The following KIF26B variants were observed in gnomAD, a reference collection of about 807,000 sequenced individuals.
The protein encoded by KIF26B is kinesin-like protein KIF26B.
In KIF26B, 63 loss-of-function variants were observed where a neutral mutation model predicts 151.2. The observed-to-expected ratio is 0.42, with a 90% confidence interval of 0.34 to 0.51. The LOEUF is 0.51. Among genes scored for constraint, KIF26B ranks in the 20% least tolerant of loss-of-function variants. KIF26B has a pLI of 0.07. For synonymous variants in KIF26B, 1,357 were observed against 1,262.1 expected (o/e 1.08, Z -1.59); for missense variants, 2,813 against 2,913.6 (o/e 0.97, Z 0.79).
At chr1:245,191,354 A>G (rs1460098966) in intron 2 of KIF26B, among the ~76,000 whole-genome samples, 1 of 152,052 alleles carries the variant, frequency 6.6e-6, no homozygotes, top group Non-Finnish European at 1.5e-5. Flanking sequence ...AGACGCCTGT[A>G]ATCCCAGCTA....
rs1443468939 is a variant in KIF26B at position 245,564,107 on chromosome 1, C to G, written c.1350+23157C>G. Among the ~76,000 whole-genome samples the G allele has an allele frequency of 6.6e-6, 1 of 152,156 alleles. No individual in the cohort carries two copies. The highest frequency in any genetic ancestry group is 2.4e-5 in the African/African-American group (1 of 41,422). On this transcript the variant is annotated intron_variant, in intron 5 of 14. Transcript: ENST00000407071. The surrounding 1 kb of genome is among the most constrained non-coding windows in gnomAD (Gnocchi z 4.6). ...AAGTACCAGTCAGGCTCCCACCGTC[C>G]CTTCCTATCCCAAAATGTCACCTCC... is the stretch of plus-strand genomic sequence containing the variant.
chr1:245,183,532 A>G (rs1253426236), intron 2 of KIF26B, among the ~76,000 whole-genome samples: 1 of 152,176 alleles, frequency 6.6e-6, no homozygotes, highest in Non-Finnish European at 1.5e-5. Flanking sequence ...ACTTAGAATG[A>G]CCACTGTGGA....
At chr1:245,423,510 T>C (rs1658543359) in intron 4 of KIF26B, among the ~76,000 whole-genome samples, 1 of 151,686 alleles carries the variant, frequency 6.6e-6, no homozygotes. Context: ...CATGAACTGA[T>C]GATTGCTTAT....
At chr1:245,405,312 G>T (rs564466000) in intron 3 of KIF26B, among the ~76,000 whole-genome samples, 6 of 152,196 alleles carry the variant, frequency 3.9e-5, no homozygotes, top group African/African-American at 1.4e-4. Context: ...ATCTTCATAA[G>T]ATCAGCCCAC....
At position 245,707,707 on chromosome 1, in the gene KIF26B, C is replaced by T. The variant is rs558444128; in HGVS notation, c.*5101C>T. 2 of 152,270 alleles carry T rather than the reference C, an allele frequency of 1.3e-5. No homozygotes were observed. The highest frequency in any genetic ancestry group is 3.9e-4 in the East Asian group (2 of 5,172). The allele number at this position is 152,270 out of a possible 1,614,324, so 9.4% of individuals were successfully genotyped here. On this transcript the variant is annotated 3_prime_UTR_variant, in exon 15 of 15. Coordinates refer to ENST00000407071, the MANE Select transcript of KIF26B (RefSeq NM_018012.4). ...GGATTAGGGTCCAATCCTCAATGCA[C>T]AGGGCTTAGTTCAAAATCTAAGCTG...
intron 2 of KIF26B, among the ~76,000 whole-genome samples, chr1:245,242,306 C>G (rs917239530): frequency 1.3e-5 from 2 of 152,172 alleles, no homozygotes; most frequent in Non-Finnish European, 1.5e-5. Context: ...GCCGTATGTA[C>G]TTCAAATCTC....
chr1:245,266,500 T>C (rs925002126), intron 2 of KIF26B, among the ~76,000 whole-genome samples: 19 of 151,680 alleles, frequency 1.3e-4, no homozygotes, highest in African/African-American at 4.6e-4. Flanking sequence ...TTTTCTTTTC[T>C]TTCTTTCTTT....
chr1:245,389,056 T>G (rs1487234019), intron 3 of KIF26B, among the ~76,000 whole-genome samples: 1 of 152,170 alleles, frequency 6.6e-6, no homozygotes, highest in Non-Finnish European at 1.5e-5. Context: ...AAGTTCCGTT[T>G]TGTTAGCTCT....
intron 10 of KIF26B, among the ~76,000 whole-genome samples, chr1:245,654,524 T>C (rs1386761821): frequency 6.6e-6 from 1 of 152,128 alleles, no homozygotes; most frequent in Non-Finnish European, 1.5e-5. Flanking sequence ...TTCATGAGCC[T>C]TTAATAAAAT....
chr1:245,387,808 A>G (rs521016), intron 3 of KIF26B, among the ~76,000 whole-genome samples: 104,907 of 152,070 alleles, frequency 0.69, 36,490 homozygotes, highest in African/African-American at 0.78. Context: ...CTGGACATCT[A>G]TGTAGACTCA....
At chr1:245,546,970 T>C (rs888001580) in intron 5 of KIF26B, among the ~76,000 whole-genome samples, 1 of 152,240 alleles carries the variant, frequency 6.6e-6, no homozygotes, top group East Asian at 1.9e-4. Context: ...AAAGGCGACT[T>C]GGGGAAAATG....
At chr1:245,319,210 C>A (rs1671837520) in intron 2 of KIF26B, among the ~76,000 whole-genome samples, 1 of 152,232 alleles carries the variant, frequency 6.6e-6, no homozygotes, top group African/African-American at 2.4e-5. Flanking sequence ...CACTTATTTG[C>A]TCACGCTTCT....
intron 2 of KIF26B, among the ~76,000 whole-genome samples, chr1:245,329,374 G>A (rs2102990406): frequency 6.6e-6 from 1 of 152,328 alleles, no homozygotes; most frequent in South Asian, 2.1e-4. Flanking sequence ...CTGCAAGTGG[G>A]AAGGGCAGAG....
chr1:245,159,145 G>A (rs1006424780), intron 2 of KIF26B, among the ~76,000 whole-genome samples: 2 of 152,182 alleles, frequency 1.3e-5, no homozygotes, highest in African/African-American at 4.8e-5. Flanking sequence ...GCTCTGAAGA[G>A]TAAGAGTCTG....
chr1:245,440,256 A>C (rs1397775446), intron 4 of KIF26B, among the ~76,000 whole-genome samples: 4 of 152,020 alleles, frequency 2.6e-5, no homozygotes, highest in Admixed American at 1.3e-4. Context: ...TCACAAGTTC[A>C]ACTTATAAAA....
At chr1:245,339,911 CG>C (rs1344276259) in intron 2 of KIF26B, among the ~76,000 whole-genome samples, 2 of 152,212 alleles carry the variant, frequency 1.3e-5, no homozygotes, top group African/African-American at 4.8e-5. Flanking sequence ...CCCATTGGGC[CG>C]TGTTGGAGAA....
intron 2 of KIF26B, among the ~76,000 whole-genome samples, chr1:245,188,524 C>T (rs1181023553): frequency 2.0e-5 from 3 of 152,040 alleles, no homozygotes; most frequent in African/African-American, 4.8e-5. Context: ...AAACTGATGA[C>T]GAAGATATGT....
chr1:245,481,769 T>G (rs1348722817), intron 4 of KIF26B, among the ~76,000 whole-genome samples: 1 of 151,770 alleles, frequency 6.6e-6, no homozygotes, highest in Non-Finnish European at 1.5e-5. Context: ...CTAAGCTTTG[T>G]TTATTTCTTC....
intron 4 of KIF26B, among the ~76,000 whole-genome samples, chr1:245,496,728 A>G (rs1469738773): frequency 6.6e-6 from 1 of 152,204 alleles, no homozygotes; most frequent in African/African-American, 2.4e-5. Context: ...TTGACTAAAT[A>G]CTCTAATTAA....
Sources: gnomAD v4.1 joint callset for allele counts (sites outside exome capture counted in the v4.1 genomes callset) on GRCh38, gnomAD v4.1.1 for gene constraint, Gnocchi (gnomAD v3.1) non-coding constraint, MANE v1.5 for transcripts, NCBI Gene and HGNC (gene_info 2026-07-23, HGNC 2026-07-21) for gene names.